The following POU6F2 variants were observed in gnomAD, a reference collection of about 807,000 sequenced individuals.
The protein encoded by POU6F2 is POU class 6 homeobox 2, also known as POU domain, class 6, transcription factor 2.
Under a neutral mutation model 71.3 loss-of-function variants are expected in POU6F2, and 31 were observed. The observed-to-expected ratio is 0.43, with a 90% CI of 0.33 to 0.59. The LOEUF (loss-of-function observed/expected upper bound fraction) is 0.59. Among genes scored for constraint, POU6F2 ranks in the 20% least tolerant of loss-of-function variants. The pLI is 0.04. For missense variants in POU6F2, 783 were observed against 856.8 expected (o/e 0.91, Z 1.07); for synonymous variants, 347 against 355.7 (o/e 0.98, Z 0.27).
intron 2 of POU6F2, among the ~76,000 whole-genome samples, chr7:39,102,907 G>A (rs1240143110): frequency 3.9e-5 from 6 of 152,170 alleles, no homozygotes; most frequent in Non-Finnish European, 7.3e-5. Context: ...TGGTATTTGT[G>A]TGTTTAAGCA....
intron 1 of POU6F2, among the ~76,000 whole-genome samples, chr7:39,066,479 A>G (rs1790755676): frequency 6.6e-6 from 1 of 151,688 alleles, no homozygotes; most frequent in African/African-American, 2.4e-5. Flanking sequence ...TCAACCGAAA[A>G]CTCAATAGCT....
At chr7:39,272,888 A>G (rs983999522) in intron 4 of POU6F2, among the ~76,000 whole-genome samples, 2 of 152,228 alleles carry the variant, frequency 1.3e-5, no homozygotes, top group African/African-American at 2.4e-5. Flanking sequence ...TAGTCAAACA[A>G]TGAGCAATGA....
At chr7:39,131,629 C>G (rs1293668451) in intron 2 of POU6F2, among the ~76,000 whole-genome samples, 4 of 152,176 alleles carry the variant, frequency 2.6e-5, no homozygotes, top group Non-Finnish European at 5.9e-5. Context: ...GAGCTAGACC[C>G]ATTTTCTATA....
intron 4 of POU6F2, among the ~76,000 whole-genome samples, chr7:39,307,696 G>A (rs1192835608): frequency 6.6e-6 from 1 of 152,162 alleles, no homozygotes; most frequent in Non-Finnish European, 1.5e-5. Context: ...ACAAGATTTA[G>A]ACCAGGCATG....
intron 1 of POU6F2, among the ~76,000 whole-genome samples, chr7:39,040,442 G>A (rs1362398176): frequency 1.3e-5 from 2 of 151,124 alleles, no homozygotes; most frequent in Non-Finnish European, 3.0e-5. Context: ...CCACTTCTAA[G>A]ATAATAAACA....
intron 1 of POU6F2, among the ~76,000 whole-genome samples, chr7:39,022,874 T>C (rs562959592): frequency 6.6e-6 from 1 of 152,064 alleles, no homozygotes; most frequent in East Asian, 1.9e-4. Flanking sequence ...AAGAGCAGAG[T>C]TGCTAAGTGG....
chr7:38,992,940 T>C (rs925856614), intron 1 of POU6F2, among the ~76,000 whole-genome samples: 1 of 152,188 alleles, frequency 6.6e-6, no homozygotes. Context: ...GGCAGCTTCA[T>C]GCGTACTTAC....
chr7:39,424,237 G>A (rs893824497), intron 6 of POU6F2, among the ~76,000 whole-genome samples: 3 of 152,102 alleles, frequency 2.0e-5, no homozygotes, highest in Non-Finnish European at 4.4e-5. Context: ...TGTGAAGTTT[G>A]GGGGAACATA....
chr7:39,114,047 A>C (rs1791877692), intron 2 of POU6F2, among the ~76,000 whole-genome samples: 1 of 152,174 alleles, frequency 6.6e-6, no homozygotes, highest in African/African-American at 2.4e-5. Flanking sequence ...ATCCTAGGCT[A>C]TACGGTTTAT....
At chr7:39,362,820 C>A (rs1786418194) in intron 5 of POU6F2, among the ~76,000 whole-genome samples, 1 of 152,126 alleles carries the variant, frequency 6.6e-6, no homozygotes, top group East Asian at 1.9e-4. Context: ...TCTCCTGGGA[C>A]CAGCAGAAAG....
intron 1 of POU6F2, among the ~76,000 whole-genome samples, chr7:39,056,148 T>C (rs1790513488): frequency 6.6e-6 from 1 of 152,142 alleles, no homozygotes; most frequent in African/African-American, 2.4e-5. Context: ...CTGTCATCTG[T>C]ATAAATTTTT....
chr7:39,212,925 A>G (rs973629460), intron 4 of POU6F2, among the ~76,000 whole-genome samples: 5 of 152,312 alleles, frequency 3.3e-5, no homozygotes, highest in Admixed American at 1.3e-4. Flanking sequence ...AAATGAAGAT[A>G]TATACAGCCT....
At chr7:39,415,885 C>T (rs1787661863) in intron 6 of POU6F2, among the ~76,000 whole-genome samples, 1 of 152,130 alleles carries the variant, frequency 6.6e-6, no homozygotes, top group African/African-American at 2.4e-5. Flanking sequence ...CCTGGGATAA[C>T]ATCTTCTGGA....
intron 1 of POU6F2, among the ~76,000 whole-genome samples, chr7:39,046,189 G>A (rs1263384284): frequency 1.3e-5 from 2 of 151,660 alleles, no homozygotes; most frequent in Non-Finnish European, 2.9e-5. Context: ...GGTTTAATTT[G>A]CGTTTCTCAA....
At chr7:39,214,838 A>G (rs1238495187) in intron 4 of POU6F2, among the ~76,000 whole-genome samples, 3 of 152,236 alleles carry the variant, frequency 2.0e-5, no homozygotes, top group African/African-American at 7.2e-5. Flanking sequence ...CAAGGTGGCA[A>G]GAAATCAGAC....
chr7:39,018,920 T>G (rs1789619123), intron 1 of POU6F2, among the ~76,000 whole-genome samples: 2 of 152,192 alleles, frequency 1.3e-5, no homozygotes, highest in Non-Finnish European at 2.9e-5. Context: ...TTCATTTGCT[T>G]CTTGGAAACA....
intron 4 of POU6F2, among the ~76,000 whole-genome samples, chr7:39,253,403 T>C (rs1303375051): frequency 6.6e-6 from 1 of 152,226 alleles, no homozygotes; most frequent in Non-Finnish European, 1.5e-5. Flanking sequence ...ACCCTATAAA[T>C]GCACATGGTG....
intron 5 of POU6F2, among the ~76,000 whole-genome samples, chr7:39,390,812 T>C (rs565206185): frequency 6.6e-6 from 1 of 152,290 alleles, no homozygotes; most frequent in Non-Finnish European, 1.5e-5. Flanking sequence ...AACGCAGAGT[T>C]AAACAAGCTG....
At chr7:39,296,068 T>A (rs1346913560) in intron 4 of POU6F2, among the ~76,000 whole-genome samples, 2 of 152,204 alleles carry the variant, frequency 1.3e-5, no homozygotes, top group Non-Finnish European at 2.9e-5. Context: ...CATCATAGAT[T>A]TAAGGAAATT....
Sources: allele counts gnomAD v4.1 joint callset (sites outside exome capture counted in the v4.1 genomes callset), GRCh38; gene constraint gnomAD v4.1.1; transcripts MANE v1.5; gene names NCBI Gene and HGNC (gene_info 2026-07-23, HGNC 2026-07-21).